Variants in TK1 observed in about 807,000 individuals in gnomAD.
TK1 encodes thymidine kinase 1.
Under a neutral mutation model 22.4 loss-of-function variants are expected in TK1, and 13 were observed. That is an observed-to-expected ratio of 0.58 (90% CI 0.38 to 0.92). The LOEUF (loss-of-function observed/expected upper bound fraction) is 0.92, where lower values mean the gene tolerates loss of function less well. Among genes scored for constraint, TK1 ranks in the 40% least tolerant of loss-of-function variants. TK1 has a pLI of 0.00. For missense variants in TK1, 251 were observed against 315.7 expected (o/e 0.80, Z 1.55); for synonymous variants, 134 against 125.4 (o/e 1.07, Z -0.46).
rs1256732761 is a variant in TK1, at chr17:78,186,695, G to GAGGGGAGGGGAGGGA, written c.98+77_98+91dup. 67 of 1,096,810 alleles carry GAGGGGAGGGGAGGGA rather than the reference G, an allele frequency of 6.1e-5. No homozygotes were observed. In the East Asian group the frequency reaches 1.7e-3, roughly 28 times the overall value. 67.9% of individuals were successfully genotyped at this position (1,096,810 alleles called of 1,614,324 possible). A position where few individuals can be genotyped will look rare whatever the true frequency, so the allele number is the denominator to read the frequency against. On this transcript the variant is annotated intron_variant, in intron 2 of 6. Transcript: ENST00000301634. ...AAGGGGAGGGAAGGGAAGGGGAGGG[G>GAGGGGAGGGGAGGGA]AGGGGAGGGGAGGGAAGGGGAGGGG...
Position 78,182,643 on chromosome 17 carries a change from G to A in TK1, c.249C>T (p.Asp83=), listed in dbSNP as rs750401799. 4.8e-5 allele frequency: 76 copies of A among 1,595,788 alleles called. No homozygotes were observed. The highest frequency in any genetic ancestry group is 5.9e-5 in the Non-Finnish European group (69 of 1,172,816). The stretch of plus-strand genomic sequence containing the variant: ...CCACGCCCAGGGCCTCCTGGGCCAC[G>A]TCTCGGAGCAGGCAGGCGGGCAGTG... ...MEALPACLLR[D]VAQEALGVAV... is the part of the protein sequence containing the mutation. Residue 83 remains aspartate, a synonymous_variant, in exon 4 of 7, where the codon GAC becomes GAT. Transcript: ENST00000301634.
chr17:78,184,432 C>G (rs1280920094), intron 3 of TK1, among the ~76,000 whole-genome samples: 2 of 152,220 alleles, frequency 1.3e-5, no homozygotes, highest in Non-Finnish European at 2.9e-5. Context: ...TCAGAAACAT[C>G]AGGCCCACAT....
intron 4 of TK1, among the ~76,000 whole-genome samples, chr17:78,182,007 T>A (rs1030383692): frequency 1.3e-5 from 2 of 152,066 alleles, no homozygotes; most frequent in Admixed American, 1.3e-4. Context: ...TCTGTCCACC[T>A]TGGCCTCCCA....
At chr17:78,182,421 T>C (rs2075744273) in intron 4 of TK1, among the ~76,000 whole-genome samples, 168 bp downstream of exon 4, 2 of 150,850 alleles carry the variant, frequency 1.3e-5, no homozygotes, top group East Asian at 3.9e-4. Context: ...TATGACACTA[T>C]GACAGGGAAA....
At chr17:78,183,440 C>T (rs996599337) in intron 3 of TK1, among the ~76,000 whole-genome samples, 1 of 152,098 alleles carries the variant, frequency 6.6e-6, no homozygotes, top group African/African-American at 2.4e-5. Context: ...AGCTCATGCC[C>T]GTAATCTTTG....
chr17:78,184,201 AG>A (rs2075762117), intron 3 of TK1, among the ~76,000 whole-genome samples: 1 of 152,226 alleles, frequency 6.6e-6, no homozygotes, highest in African/African-American at 2.4e-5. Flanking sequence ...CCAAGCCCCA[AG>A]CACCCTCCAC....
In TK1 at chr17:78,174,688, TGGGCAGCATGCA is replaced by T. The variant is rs2075684402; in HGVS notation, c.*59_*70del. The T allele has an allele frequency of 6.8e-7, 1 of 1,480,476 alleles. No homozygotes were observed. Among genetic ancestry groups the T allele is most frequent in the Non-Finnish European group, 9.0e-7 (1 of 1,109,890 alleles). The allele number at this position is 1,480,476 out of a possible 1,614,324, so 91.7% of individuals were successfully genotyped here. A position where few individuals can be genotyped will look rare whatever the true frequency, so the allele number is the denominator to read the frequency against. On this transcript the variant is annotated 3_prime_UTR_variant, in exon 7 of 7. Coordinates refer to ENST00000301634, the MANE Select transcript of TK1 (RefSeq NM_003258.5). ...CCTCCCGACTTCCTCCTGGAGTGGC[TGGGCAGCATGCA>T]GGGCAGCGTCCAGTAGGCGGCAGTG...
chr17:78,187,082 A>G (rs1385437874), upstream of TK1: 15 of 1,407,184 alleles, frequency 1.1e-5, no homozygotes, highest in South Asian at 2.4e-5. Context: ...GCTTTAAACC[A>G]CGGCGTGCTG....
intron 4 of TK1, among the ~76,000 whole-genome samples, chr17:78,177,577 T>A (rs972588285): frequency 1.6e-5 from 1 of 63,070 alleles, no homozygotes; most frequent in African/African-American, 5.4e-5. Context: ...AAAGGTCTAT[T>A]TTTTTTTTTT....
intron 2 of TK1, 45 bp from the exon 3 acceptor site, chr17:78,185,210 T>C (rs1211622612): frequency 3.3e-6 from 5 of 1,507,442 alleles, no homozygotes; most frequent in Non-Finnish European, 4.6e-6. Flanking sequence ...GCGGGAGGAG[T>C]GGGAGAAGGA....
intron 4 of TK1, among the ~76,000 whole-genome samples, chr17:78,178,629 C>T (rs149574033): frequency 3.7e-4 from 56 of 152,174 alleles, no homozygotes; most frequent in Admixed American, 1.6e-3. Context: ...ATGGGAAGAC[C>T]CTGAACTTCT....
Position 78,174,678 on chromosome 17 carries a change from C to A in TK1, c.*81G>T. Reference sequence around the variant, plus strand: ...ACCCTCCACGCCTCCCGACTTCCTCCTGGAGTGGCTGGGCAGCATGCAGGG... The same window carrying A: ...ACCCTCCACGCCTCCCGACTTCCTCATGGAGTGGCTGGGCAGCATGCAGGG... On this transcript the variant is annotated 3_prime_UTR_variant, in exon 7 of 7. Coordinates refer to ENST00000301634, the MANE Select transcript of TK1 (RefSeq NM_003258.5). 1 of 1,460,806 alleles carries A rather than the reference C, an allele frequency of 6.8e-7. No homozygotes were observed. The highest frequency in any genetic ancestry group is 9.1e-7 in the Non-Finnish European group (1 of 1,097,474). 90.5% of individuals were successfully genotyped at this position (1,460,806 alleles called of 1,614,324 possible).
chr17:78,186,675 G>GACGGAAGGGA, intron 2 of TK1, 112 bp downstream of exon 2: 1 of 885,992 alleles, frequency 1.1e-6, no homozygotes, highest in African/African-American at 3.1e-5. Context: ...AAGGGAAGGG[G>GACGGAAGGGA]AGGGAAGGGA....
intron 4 of TK1, among the ~76,000 whole-genome samples, chr17:78,176,237 G>A (rs1403927107): frequency 6.6e-6 from 1 of 151,082 alleles, no homozygotes; most frequent in Non-Finnish European, 1.5e-5. Context: ...CACATTTACT[G>A]TGTAAAGCAA....
chr17:78,176,151 G>A lies in TK1; in HGVS notation c.304-533C>T, dbSNP rs79358931. ...TTAAACGGGTAATGTGCCTTGAGAA[G>A]GGGCGGGGGTCCTACTGGCCATTTA... On this transcript the variant is annotated intron_variant, in intron 4 of 6. Coordinates refer to ENST00000301634, the MANE Select transcript of TK1 (RefSeq NM_003258.5). Among the ~76,000 whole-genome samples the A allele has an allele frequency of 5.9e-5, 9 of 152,296 alleles. No individual in the cohort carries two copies. The East Asian group carries it at 1.7e-3, about 29-fold the overall frequency.
chr17:78,186,896 A>G (rs373337363), intron 1 of TK1, 33 bp downstream of exon 1: 24 of 1,564,686 alleles, frequency 1.5e-5, no homozygotes, highest in Non-Finnish European at 2.0e-5. Context: ...CGACCACCTC[A>G]TCCCCAGCCA....
chr17:78,186,690 G>GAGGGAAGGGA, intron 2 of TK1, 97 bp downstream of exon 2: 2 of 562,496 alleles, frequency 3.6e-6, no homozygotes, highest in Admixed American at 3.6e-5. Flanking sequence ...AAGGGAAGGG[G>GAGGGAAGGGA]AGGGGAGGGG....
chr17:78,176,563 G>A (rs1053380474), intron 4 of TK1, among the ~76,000 whole-genome samples: 2 of 152,112 alleles, frequency 1.3e-5, no homozygotes, highest in African/African-American at 4.8e-5. Flanking sequence ...GCTGACTGCA[G>A]GGGTCTCTGG....
At chr17:78,184,171 T>C (rs2075761905) in intron 3 of TK1, among the ~76,000 whole-genome samples, 1 of 152,144 alleles carries the variant, frequency 6.6e-6, no homozygotes, top group Non-Finnish European at 1.5e-5. Flanking sequence ...CGAAGTGCGG[T>C]TAAATTCCCA....
Sources: gnomAD v4.1 joint callset for allele counts (sites outside exome capture counted in the v4.1 genomes callset) on GRCh38, gnomAD v4.1.1 for gene constraint, MANE v1.5 for transcripts, NCBI Gene and HGNC (gene_info 2026-07-23, HGNC 2026-07-21) for gene names.